GALNT9: variants seen among roughly 807,000 people sequenced by gnomAD.
The protein encoded by GALNT9 is polypeptide N-acetylgalactosaminyltransferase 9.
GALNT9 carries 47 observed loss-of-function variants against 63.1 expected under a neutral mutation model. The ratio of observed to expected loss-of-function variants is 0.75; its 90% CI spans 0.59 to 0.95. The LOEUF (loss-of-function observed/expected upper bound fraction) is 0.95, where lower values mean the gene tolerates loss of function less well. Ranked by LOEUF, GALNT9 falls within the 40% of genes least tolerant of loss-of-function variation. GALNT9 has a pLI of 0.00. For missense variants in GALNT9, 829 were observed against 874.8 expected (o/e 0.95, Z 0.66); for synonymous variants, 396 against 365.7 (o/e 1.08, Z -0.94).
At chr12:132,239,207 GAGACAGAGAGACAC>G (rs1878116419) in intron 6 of GALNT9, among the ~76,000 whole-genome samples, 1 of 151,910 alleles carries the variant, frequency 6.6e-6, no homozygotes, top group African/African-American at 2.4e-5. Flanking sequence ...GGCAGAGAGA[GAGACAGAGAGACAC>G]AGAGACAGAG....
In GALNT9 at chr12:132,327,058, C is replaced by A. The variant is rs1555246562; in HGVS notation, c.238+1908G>T. 6.6e-6 allele frequency among the ~76,000 whole-genome samples: 1 copy of A among 152,132 alleles called. No homozygotes were observed. Among genetic ancestry groups the A allele is most frequent in the Non-Finnish European group, 1.5e-5 (1 of 68,036 alleles). On this transcript the variant is annotated intron_variant, in intron 1 of 10. Transcript: ENST00000328957. The surrounding 1 kb of genome is among the most constrained non-coding windows in gnomAD (Gnocchi z 4.3). The stretch of plus-strand genomic sequence containing the variant: ...AGAGGAACGCAGCACAGCCTCATCA[C>A]AGAGGGGGACGAAACTCGGCCTCAT...
At chr12:132,227,372 C>A (rs1371007179) in intron 6 of GALNT9, among the ~76,000 whole-genome samples, 5 of 152,050 alleles carry the variant, frequency 3.3e-5, no homozygotes, top group African/African-American at 1.2e-4. Flanking sequence ...GCCCAGCTCC[C>A]CGACCCTGCT....
Position 132,315,612 on chromosome 12 carries a change from G to A in GALNT9, c.238+13354C>T, listed in dbSNP as rs782410276. Among the ~76,000 whole-genome samples the A allele has an allele frequency of 1.3e-5, 2 of 152,206 alleles. No homozygotes were observed. The highest frequency in any genetic ancestry group is 4.8e-5 in the African/African-American group (2 of 41,442). The stretch of plus-strand genomic sequence containing the variant: ...TGCCGTGGGATGTGGGCGAGGTTGC[G>A]CCGCGGCTGCTGATCTGAGAAGGTC... On this transcript the variant is annotated intron_variant, in intron 1 of 10. Transcript: ENST00000328957. The surrounding 1 kb of genome is among the most constrained non-coding windows in gnomAD (Gnocchi z 6.1).
intron 6 of GALNT9, among the ~76,000 whole-genome samples, chr12:132,229,659 A>G (rs1373425008): frequency 6.6e-6 from 1 of 152,126 alleles, no homozygotes; most frequent in East Asian, 1.9e-4. Flanking sequence ...CTCGGGCCAC[A>G]CGGCCGGCAT....
intron 6 of GALNT9, among the ~76,000 whole-genome samples, chr12:132,227,261 G>A (rs1488205967): frequency 2.6e-5 from 4 of 152,176 alleles, no homozygotes; most frequent in African/African-American, 9.7e-5. Flanking sequence ...CAGCTCGTCA[G>A]CAGAACCCCG....
chr12:132,236,902 C>T lies in GALNT9; in HGVS notation c.1077+11008G>A, dbSNP rs546580155. On this transcript the variant is annotated intron_variant, in intron 6 of 10. Transcript: ENST00000328957. The surrounding 1 kb of genome is among the most constrained non-coding windows in gnomAD (Gnocchi z 5.6). ...ATGGGAAAGCCATGTGGGTGCTGGT[C>T]GTGTGGCCTCCCACAGCCTGGCTTC... Among the ~76,000 whole-genome samples, 2 of 152,132 alleles carry T rather than the reference C, an allele frequency of 1.3e-5. No individual in the cohort carries two copies. The highest frequency in any genetic ancestry group is 2.4e-5 in the African/African-American group (1 of 41,412).
rs1314828044 is a variant in GALNT9, at chr12:132,315,604, G to A, written c.238+13362C>T. On this transcript the variant is annotated intron_variant, in intron 1 of 10. Transcript: ENST00000328957. This position sits in a 1 kb window ranked among gnomAD's most constrained non-coding sequence, Gnocchi z 6.1. Reference sequence around the variant, plus strand: ...CCCCTTTCTGCCGTGGGATGTGGGCGAGGTTGCGCCGCGGCTGCTGATCTG... The same window carrying A: ...CCCCTTTCTGCCGTGGGATGTGGGCAAGGTTGCGCCGCGGCTGCTGATCTG... Among the ~76,000 whole-genome samples the A allele has an allele frequency of 3.3e-5, 5 of 152,214 alleles. No individual in the cohort carries two copies. The highest frequency in any genetic ancestry group is 2.0e-4 in the Admixed American group (3 of 15,288).
At position 132,316,010 on chromosome 12, in the gene GALNT9, G is replaced by A. The variant is rs28610201; in HGVS notation, c.238+12956C>T. On this transcript the variant is annotated intron_variant, in intron 1 of 10. Coordinates refer to ENST00000328957, the MANE Select transcript of GALNT9 (RefSeq NM_001122636.2). This position sits in a 1 kb window ranked among gnomAD's most constrained non-coding sequence, Gnocchi z 4.3. ...GGACGCGGGGTCCTGGAGAGGGCAC[G>A]GCAGGCAGGCAGCCCCCGAAACGGC... Among the ~76,000 whole-genome samples, 43,823 of 152,114 alleles carry A rather than the reference G, an allele frequency of 0.29. 6,562 individuals carry two copies. The highest frequency in any genetic ancestry group is 0.4 in the East Asian group (2,081 of 5,168).
intron 6 of GALNT9, among the ~76,000 whole-genome samples, chr12:132,241,419 C>T (rs1472290057): frequency 8.9e-6 from 1 of 112,028 alleles, no homozygotes. Context: ...CTCCCTATAC[C>T]CATTACACAC....
At chr12:132,291,253 T>A (rs111200451) in intron 1 of GALNT9, among the ~76,000 whole-genome samples, 28 of 3,238 alleles carry the variant, frequency 8.6e-3, no homozygotes, top group African/African-American at 0.018. Flanking sequence ...GCCCACGTCC[T>A]CAGCGCCCAC....
rs61132597 is a variant in GALNT9, at chr12:132,264,571, G to A, written c.420-1946C>T. Among the ~76,000 whole-genome samples the A allele has an allele frequency of 5.3e-5, 8 of 152,292 alleles. No homozygotes were observed. In the East Asian group the frequency reaches 7.7e-4, roughly 15 times the overall value. On this transcript the variant is annotated intron_variant, in intron 2 of 10. Transcript: ENST00000328957. ...CCGCATGGCCGGAGGCCGTGTCCGC[G>A]TGGCCGGAGGCTGTGTCCCCGCAGG...
At chr12:132,280,546 C>G (rs901527044) in intron 2 of GALNT9, 1 of 152,226 alleles carries the variant, frequency 6.6e-6, no homozygotes, top group Non-Finnish European at 1.5e-5. Flanking sequence ...GTTAGGGGAA[C>G]GGGGCCCCAC....
intron 1 of GALNT9, among the ~76,000 whole-genome samples, chr12:132,300,319 T>G (rs1469524574): frequency 1.7e-5 from 2 of 117,146 alleles, no homozygotes; most frequent in South Asian, 5.8e-4. Context: ...CTGAGATAAC[T>G]CACTCCCATA....
At chr12:132,306,824 G>A (rs569240291) in intron 1 of GALNT9, among the ~76,000 whole-genome samples, 4 of 152,162 alleles carry the variant, frequency 2.6e-5, no homozygotes, top group Non-Finnish European at 4.4e-5. Context: ...GCGCACACCC[G>A]CCGCGTGCCC....
At chr12:132,204,358 T>C (rs1876484540) in intron 6 of GALNT9, among the ~76,000 whole-genome samples, 2 of 152,150 alleles carry the variant, frequency 1.3e-5, no homozygotes, top group African/African-American at 2.4e-5. Flanking sequence ...GTTGGTTTTG[T>C]GTCAGCGTGG....
rs112325323 is a variant in GALNT9, at chr12:132,300,974, G to A, written c.239-14544C>T. On this transcript the variant is annotated intron_variant, in intron 1 of 10. Transcript: ENST00000328957. ...GTGAAGCTTCCCATGTGGGGGCAGC[G>A]GGCGACGCATTCACAGCACAGCACT... Among the ~76,000 whole-genome samples the A allele has an allele frequency of 1.6e-3, 248 of 152,392 alleles. 2 individuals carry two copies. The highest frequency in any genetic ancestry group is 5.0e-3 in the African/African-American group (208 of 41,594).
intron 6 of GALNT9, among the ~76,000 whole-genome samples, chr12:132,230,373 G>C (rs1389301882): frequency 6.6e-6 from 1 of 152,248 alleles, no homozygotes; most frequent in Non-Finnish European, 1.5e-5. Context: ...GGGGTGATCT[G>C]CTACAAGGCA....
chr12:132,197,313 ACCT>A (rs1875582464), intron 10 of GALNT9, 60 bp from the exon 11 acceptor site: 1 of 1,582,822 alleles, frequency 6.3e-7, no homozygotes, highest in African/African-American at 1.3e-5. Flanking sequence ...CCCTCCCCCC[ACCT>A]CAGGGAGGCT....
At chr12:132,208,504 G>A (rs1162865369) in intron 6 of GALNT9, among the ~76,000 whole-genome samples, 1 of 152,234 alleles carries the variant, frequency 6.6e-6, no homozygotes, top group Non-Finnish European at 1.5e-5. Flanking sequence ...CCCACCCAGT[G>A]CCAAGGCCAA....
Sources: allele counts gnomAD v4.1 joint callset (sites outside exome capture counted in the v4.1 genomes callset), GRCh38; gene constraint gnomAD v4.1.1; non-coding constraint Gnocchi (gnomAD v3.1); transcripts MANE v1.5; gene names NCBI Gene and HGNC (gene_info 2026-07-23, HGNC 2026-07-21).